The following NRG3 variants were observed in gnomAD, a reference collection of about 807,000 sequenced individuals.
The protein encoded by NRG3 is pro-neuregulin-3, membrane-bound isoform.
NRG3 carries 31 observed loss-of-function variants against 66.9 expected under a neutral mutation model. That is an observed-to-expected ratio of 0.46 (90% CI 0.35 to 0.63). NRG3 has a LOEUF of 0.63. Ranked by LOEUF, NRG3 falls within the 20% of genes least tolerant of loss-of-function variation. NRG3 has a pLI of 0.00. For synonymous variants in NRG3, 393 were observed against 359.4 expected (o/e 1.09, Z -1.06); for missense variants, 910 against 878.9 (o/e 1.04, Z -0.45).
intron 1 of NRG3, among the ~76,000 whole-genome samples, chr10:82,171,327 C>G (rs1443474442): frequency 6.6e-6 from 1 of 151,926 alleles, no homozygotes; most frequent in Non-Finnish European, 1.5e-5. Context: ...AGCAGCCCTA[C>G]CTTACTTCCC....
At chr10:82,680,531 C>T (rs902141204) in intron 2 of NRG3, among the ~76,000 whole-genome samples, 58 of 152,118 alleles carry the variant, frequency 3.8e-4, no homozygotes, top group Non-Finnish European at 7.6e-4. Flanking sequence ...GAAATCAAAC[C>T]ATAAATGTCT....
chr10:82,088,133 A>G (rs540569651), intron 1 of NRG3, among the ~76,000 whole-genome samples: 3 of 152,150 alleles, frequency 2.0e-5, no homozygotes, highest in Admixed American at 6.5e-5. Flanking sequence ...ACGATTCCCT[A>G]CTTTCCTACT....
chr10:82,663,111 G>T (rs971304417), intron 2 of NRG3, among the ~76,000 whole-genome samples: 1 of 152,182 alleles, frequency 6.6e-6, no homozygotes. Flanking sequence ...TAGGTAACTA[G>T]CAGTCTCTGA....
At chr10:82,691,615 G>T (rs1351555887) in intron 2 of NRG3, among the ~76,000 whole-genome samples, 1 of 152,186 alleles carries the variant, frequency 6.6e-6, no homozygotes, top group Non-Finnish European at 1.5e-5. Flanking sequence ...TTTTATCTGT[G>T]TGAAGGACAA....
intron 1 of NRG3, among the ~76,000 whole-genome samples, chr10:82,252,779 T>C (rs2077545258): frequency 6.6e-6 from 1 of 152,156 alleles, no homozygotes; most frequent in Non-Finnish European, 1.5e-5. Flanking sequence ...AAACTAATAA[T>C]GATCTTAAAA....
intron 4 of NRG3, among the ~76,000 whole-genome samples, chr10:82,869,750 G>A (rs1014477573): frequency 6.6e-6 from 1 of 151,854 alleles, no homozygotes; most frequent in African/African-American, 2.4e-5. Flanking sequence ...TGGGACTACA[G>A]GCACCCATCA....
intron 1 of NRG3, among the ~76,000 whole-genome samples, chr10:82,169,271 G>T (rs2072363851): frequency 6.6e-6 from 1 of 151,912 alleles, no homozygotes; most frequent in African/African-American, 2.4e-5. Context: ...TGAATGTTAA[G>T]AATTTTCAAT....
intron 7 of NRG3, among the ~76,000 whole-genome samples, chr10:82,976,037 TAA>T (rs1384590128): frequency 1.3e-5 from 2 of 152,184 alleles, no homozygotes; most frequent in African/African-American, 4.8e-5. Flanking sequence ...TTTGGCAATA[TAA>T]GTCACTTATC....
chr10:82,410,582 T>A (rs568894567), intron 2 of NRG3, among the ~76,000 whole-genome samples: 1 of 151,284 alleles, frequency 6.6e-6, no homozygotes, highest in Admixed American at 6.6e-5. Flanking sequence ...ATAATAGGTA[T>A]GGGATTTGGG....
chr10:82,255,375 G>C (rs987454941), intron 1 of NRG3, among the ~76,000 whole-genome samples: 5 of 152,128 alleles, frequency 3.3e-5, no homozygotes, highest in African/African-American at 1.2e-4. Context: ...AAAGGACATG[G>C]GGTAAAAATG....
intron 2 of NRG3, among the ~76,000 whole-genome samples, chr10:82,438,783 C>G (rs960770476): frequency 3.3e-5 from 5 of 152,154 alleles, no homozygotes; most frequent in African/African-American, 9.7e-5. Flanking sequence ...GGGGGTTCTT[C>G]TTTCCCATGT....
At chr10:81,898,868 C>A (rs963595942) in intron 1 of NRG3, among the ~76,000 whole-genome samples, 11 of 152,130 alleles carry the variant, frequency 7.2e-5, no homozygotes, top group Admixed American at 2.0e-4. Context: ...TTATGTATAA[C>A]TGTGGTTATA....
intron 2 of NRG3, among the ~76,000 whole-genome samples, chr10:82,566,470 G>T (rs911286665): frequency 1.6e-4 from 25 of 151,844 alleles, no homozygotes; most frequent in Admixed American, 6.6e-5. Flanking sequence ...AGTTCTGTGG[G>T]TGAAAAGAAG....
At position 82,602,410 on chromosome 10, in the gene NRG3, T is replaced by G. The variant is rs377507988; in HGVS notation, c.954-136167T>G. On this transcript the variant is annotated intron_variant, in intron 2 of 8. Transcript: ENST00000372141. ...TTCAGGGAAGATGTAACATACTAAC[T>G]GTTAAAGAATGATCCTCTACTTATA... Among the ~76,000 whole-genome samples the G allele has an allele frequency of 7.9e-5, 12 of 152,154 alleles. No individual in the cohort carries two copies. The South Asian group carries it at 1.5e-3, about 18-fold the overall frequency.
chr10:82,628,390 G>C (rs563555583), intron 2 of NRG3, among the ~76,000 whole-genome samples: 1 of 152,168 alleles, frequency 6.6e-6, no homozygotes, highest in Non-Finnish European at 1.5e-5. Flanking sequence ...GATGGGCTTA[G>C]CTGCAGCCGT....
Position 82,574,111 on chromosome 10 carries a change from C to T in NRG3, c.954-164466C>T, listed in dbSNP as rs11195075. On this transcript the variant is annotated intron_variant, in intron 2 of 8. Coordinates refer to ENST00000372141, the MANE Select transcript of NRG3 (RefSeq NM_001010848.4). ...ATGTTTATGGCAGCACTATTCACAACAGCCAAGATATGAACTCAACCTAAG... is the reference window on the plus strand; with the variant it reads ...ATGTTTATGGCAGCACTATTCACAATAGCCAAGATATGAACTCAACCTAAG... Among the ~76,000 whole-genome samples, 476 of 151,842 alleles carry T rather than the reference C, an allele frequency of 3.1e-3. 4 individuals are homozygous for T. Among genetic ancestry groups the T allele is most frequent in the African/African-American group, 0.011 (453 of 41,506 alleles).
At chr10:82,685,158 C>A (rs1325296237) in intron 2 of NRG3, among the ~76,000 whole-genome samples, 1 of 152,144 alleles carries the variant, frequency 6.6e-6, no homozygotes, top group Non-Finnish European at 1.5e-5. Context: ...AACTTAACCA[C>A]ACCCTCATCT....
chr10:82,101,333 T>C (rs953989954), intron 1 of NRG3, among the ~76,000 whole-genome samples: 1 of 151,958 alleles, frequency 6.6e-6, no homozygotes, highest in East Asian at 1.9e-4. Flanking sequence ...TATCAACTTA[T>C]TATTGACACC....
At chr10:82,425,813 G>T (rs1211410530) in intron 2 of NRG3, among the ~76,000 whole-genome samples, 1 of 152,004 alleles carries the variant, frequency 6.6e-6, no homozygotes, top group Non-Finnish European at 1.5e-5. Flanking sequence ...GTTGTCTTTG[G>T]GTTCTCCTAG....
Sources: gnomAD v4.1 joint callset for allele counts (sites outside exome capture counted in the v4.1 genomes callset) on GRCh38, gnomAD v4.1.1 for gene constraint, MANE v1.5 for transcripts, NCBI Gene and HGNC (gene_info 2026-07-23, HGNC 2026-07-21) for gene names.